TBC1D5: variants seen among roughly 807,000 people sequenced by gnomAD.
TBC1D5 encodes TBC1 domain family member 5.
TBC1D5 carries 75 observed loss-of-function variants against 100.3 expected under a neutral mutation model. The observed-to-expected ratio is 0.75, with a 90% confidence interval of 0.62 to 0.91. The LOEUF (loss-of-function observed/expected upper bound fraction) is 0.91, where lower values mean the gene tolerates loss of function less well. Ranked by LOEUF, TBC1D5 falls within the 40% of genes least tolerant of loss-of-function variation. The pLI is 0.00. For missense variants in TBC1D5, 910 were observed against 942.4 expected, an observed-to-expected ratio of 0.97 and a Z score of 0.45; for synonymous variants, 323 against 325.6, an observed-to-expected ratio of 0.99 and a Z score of 0.09.
chr3:17,374,388 C>T, intron 12 of TBC1D5, 83 bp downstream of exon 12: 1 of 1,323,846 alleles, frequency 7.6e-7, no homozygotes, highest in South Asian at 1.4e-5. Context: ...AGGCTATATA[C>T]TATTCTTTGG....
chr3:17,317,046 T>C (rs2084782113), intron 13 of TBC1D5, among the ~76,000 whole-genome samples: 1 of 152,218 alleles, frequency 6.6e-6, no homozygotes, highest in Non-Finnish European at 1.5e-5. Flanking sequence ...CAATCTGGTT[T>C]ACCACAGTTA....
rs1382690804 is a variant in TBC1D5, at chr3:17,172,665, C to G, written c.1853-4837G>C. On this transcript the variant is annotated intron_variant, in intron 19 of 21. Coordinates refer to ENST00000253692, the Ensembl canonical transcript of TBC1D5. ...ACACACAAAAATCTCATTCACCTAA[C>G]AATCCCATGGTGATGCCACTATTTT... Among the ~76,000 whole-genome samples the G allele has an allele frequency of 2.0e-5, 3 of 152,236 alleles. No homozygotes were observed. The East Asian group carries it at 5.8e-4, about 29-fold the overall frequency.
chr3:17,409,043 A>G (rs921486662), intron 4 of TBC1D5, among the ~76,000 whole-genome samples: 1 of 152,200 alleles, frequency 6.6e-6, no homozygotes, highest in African/African-American at 2.4e-5. Context: ...AGATGAGATT[A>G]GCAATCAGTA....
At chr3:17,526,496 C>A (rs1016838799) in intron 2 of TBC1D5, among the ~76,000 whole-genome samples, 5 of 152,172 alleles carry the variant, frequency 3.3e-5, no homozygotes, top group African/African-American at 1.2e-4. Flanking sequence ...GGCCCAGAAT[C>A]TACTACTATT....
exon 7 of TBC1D5, chr3:17,404,757 G>T (rs1175287671): frequency 2.5e-6 from 4 of 1,607,686 alleles, no homozygotes; most frequent in Non-Finnish European, 3.4e-6. Flanking sequence ...CCTTCCTCGG[G>T]TTGGTAATAT....
chr3:17,266,353 A>ATTG (rs1214420483), intron 15 of TBC1D5, among the ~76,000 whole-genome samples: 2 of 152,174 alleles, frequency 1.3e-5, no homozygotes, highest in Non-Finnish European at 2.9e-5. Context: ...ATATTGCCTG[A>ATTG]ATATTATCTA....
intron 16 of TBC1D5, among the ~76,000 whole-genome samples, chr3:17,243,144 A>G (rs1427662716): frequency 6.6e-6 from 1 of 152,192 alleles, no homozygotes; most frequent in Non-Finnish European, 1.5e-5. Context: ...TAGGACGGTC[A>G]TAATCTTCTG....
chr3:17,245,063 T>A (rs1006118228), intron 16 of TBC1D5, among the ~76,000 whole-genome samples: 2 of 144,558 alleles, frequency 1.4e-5, no homozygotes, highest in African/African-American at 5.1e-5. Flanking sequence ...CATGGTGGTG[T>A]GCACCTGTAG....
At chr3:17,482,040 C>T (rs936924090) in intron 3 of TBC1D5, among the ~76,000 whole-genome samples, 5 of 152,034 alleles carry the variant, frequency 3.3e-5, no homozygotes, top group Admixed American at 6.5e-5. Flanking sequence ...CGCGCCTGGC[C>T]GACTCATTTA....
chr3:17,408,780 A>C (rs1372735675), intron 4 of TBC1D5, among the ~76,000 whole-genome samples: 1 of 152,028 alleles, frequency 6.6e-6, no homozygotes, highest in African/African-American at 2.4e-5. Flanking sequence ...AAGCTTTTTA[A>C]ATTTGTGTAT....
At chr3:17,738,175 C>T (rs539100041) in intron 1 of TBC1D5, among the ~76,000 whole-genome samples, 3 of 152,304 alleles carry the variant, frequency 2.0e-5, no homozygotes, top group African/African-American at 4.8e-5. Flanking sequence ...GGGATAAGAG[C>T]ATTACTATAC....
chr3:17,431,416 G>A (rs1242259021), intron 3 of TBC1D5, among the ~76,000 whole-genome samples: 1 of 151,850 alleles, frequency 6.6e-6, no homozygotes, highest in Non-Finnish European at 1.5e-5. Flanking sequence ...AACTTTAAAG[G>A]TATTTCAATA....
chr3:17,386,248 C>T (rs73156352), intron 8 of TBC1D5, among the ~76,000 whole-genome samples: 10,274 of 152,008 alleles, frequency 0.068, 701 homozygotes, highest in African/African-American at 0.18. Flanking sequence ...TAATTTTGCA[C>T]GTCCCCTTCC....
chr3:17,352,558 A>G lies in TBC1D5; in HGVS notation c.995+19517T>C, dbSNP rs1193961722. 2.6e-5 allele frequency among the ~76,000 whole-genome samples: 4 copies of G among 152,022 alleles called. No individual in the cohort carries two copies. In the East Asian group the frequency reaches 7.7e-4, roughly 29 times the overall value. ...GAAATTTTACCTTGGTACAGGATTC[A>G]AACTAAATAATGGGATGCAGAAATG... On this transcript the variant is annotated intron_variant, in intron 13 of 21. Transcript: ENST00000253692.
intron 4 of TBC1D5, among the ~76,000 whole-genome samples, chr3:17,417,802 C>T (rs1467382852): frequency 6.6e-6 from 1 of 152,086 alleles, no homozygotes; most frequent in African/African-American, 2.4e-5. Context: ...GTTTACAGTC[C>T]CACCAACAGT....
chr3:17,292,128 G>T, intron 14 of TBC1D5, 127 bp from the exon 15 acceptor site: 1 of 771,904 alleles, frequency 1.3e-6, no homozygotes, highest in Non-Finnish European at 2.0e-6. Context: ...TTTGATAAAA[G>T]GGAGTAGGAA....
chr3:17,301,676 T>C lies in TBC1D5; in HGVS notation c.1138+6316A>G, dbSNP rs138598966. Among the ~76,000 whole-genome samples the C allele has an allele frequency of 2.3e-3, 348 of 152,290 alleles. 2 individuals are homozygous for C. The highest frequency in any genetic ancestry group is 3.4e-3 in the Non-Finnish European group (229 of 68,030). On this transcript the variant is annotated intron_variant, in intron 14 of 21. Transcript: ENST00000253692. The stretch of plus-strand genomic sequence containing the variant: ...CTAATGTAGCACTTAGTTAGTGGTA[T>C]TGATGATGATCTTATAGGATTGCAA...
chr3:17,639,762 A>G (rs894730266), intron 1 of TBC1D5, among the ~76,000 whole-genome samples: 2 of 152,086 alleles, frequency 1.3e-5, no homozygotes, highest in African/African-American at 4.8e-5. Flanking sequence ...CTTAGACTAC[A>G]TCAAATCCTA....
chr3:17,529,959 A>T (rs766931321), intron 2 of TBC1D5, among the ~76,000 whole-genome samples: 5 of 152,138 alleles, frequency 3.3e-5, no homozygotes, highest in Non-Finnish European at 7.4e-5. Flanking sequence ...ATAGGTAAAA[A>T]CAGCCTGGGC....
Sources: gnomAD v4.1 joint callset for allele counts (sites outside exome capture counted in the v4.1 genomes callset) on GRCh38, gnomAD v4.1.1 for gene constraint, MANE v1.5 for transcripts, NCBI Gene and HGNC (gene_info 2026-07-23, HGNC 2026-07-21) for gene names.